DLG2: variants seen among roughly 807,000 people sequenced by gnomAD.
DLG2 encodes disks large homolog 2.
DLG2 carries 45 observed loss-of-function variants against 132.5 expected under a neutral mutation model. The ratio of observed to expected loss-of-function variants is 0.34; its 90% CI spans 0.27 to 0.44. The LOEUF (loss-of-function observed/expected upper bound fraction) is 0.44, where lower values mean the gene tolerates loss of function less well. Among genes scored for constraint, DLG2 ranks in the 20% least tolerant of loss-of-function variants. The pLI, the probability that DLG2 is intolerant of heterozygous loss-of-function variation, is 1.00. For missense variants in DLG2, 1,045 were observed against 1,196.9 expected (o/e 0.87, Z 1.87); for synonymous variants, 424 against 419.6 (o/e 1.01, Z -0.13).
rs533132508 is a variant in DLG2, at chr11:84,457,988, T to C, written c.519+76582A>G. On this transcript the variant is annotated intron_variant, in intron 7 of 27. Transcript: ENST00000376104. ...ACATACAACATAAAAATAAAATTCATCTGCAAGCCTGTTATCTACGTAAAT... is the reference window on the plus strand; with the variant it reads ...ACATACAACATAAAAATAAAATTCACCTGCAAGCCTGTTATCTACGTAAAT... Among the ~76,000 whole-genome samples, 327 of 150,982 alleles carry C rather than the reference T, an allele frequency of 2.2e-3. 1 individual carries two copies. Among genetic ancestry groups the C allele is most frequent in the African/African-American group, 7.1e-3 (296 of 41,418 alleles).
Position 84,534,606 on chromosome 11 carries a change from A to G in DLG2, c.483T>C (p.His161=), listed in dbSNP as rs1350344426. Residue 161 remains histidine (H), a synonymous_variant, in exon 7 of 28, where the codon CAT becomes CAC. Transcript: ENST00000376104. ...EKNLSQIENV[H]GYVLQSHISP... is the part of the protein sequence containing the mutation. ...AAATATGAGACTGCAAGACATATCCATGGACATTTTCTATTTGAGAGAGGT... is the reference window on the plus strand; with the variant it reads ...AAATATGAGACTGCAAGACATATCCGTGGACATTTTCTATTTGAGAGAGGT... 2.5e-6 allele frequency: 4 copies of G among 1,614,054 alleles called. No homozygotes were observed. Among genetic ancestry groups the G allele is most frequent in the East Asian group, 4.5e-5 (2 of 44,860 alleles).
At chr11:84,726,434 G>A (rs184328732) in intron 6 of DLG2, among the ~76,000 whole-genome samples, 35 of 152,234 alleles carry the variant, frequency 2.3e-4, no homozygotes, top group African/African-American at 8.2e-4. Flanking sequence ...TCCCTGCAAA[G>A]GACATAAAGT....
chr11:84,439,199 C>T (rs2099010124), intron 7 of DLG2, among the ~76,000 whole-genome samples: 1 of 152,166 alleles, frequency 6.6e-6, no homozygotes, highest in African/African-American at 2.4e-5. Context: ...CCTGACTTTG[C>T]TTCTAATTTA....
chr11:84,785,958 C>T (rs1380495145), intron 6 of DLG2, among the ~76,000 whole-genome samples: 1 of 151,806 alleles, frequency 6.6e-6, no homozygotes, highest in Non-Finnish European at 1.5e-5. Flanking sequence ...TCTTGAAAAT[C>T]ATTTTTTTTC....
chr11:84,643,872 C>A (rs1594724102), intron 6 of DLG2, among the ~76,000 whole-genome samples: 1 of 152,210 alleles, frequency 6.6e-6, no homozygotes, highest in Admixed American at 6.5e-5. Flanking sequence ...GTGTTAAAGC[C>A]CTACCATGTG....
chr11:84,442,548 G>A (rs965068656), intron 7 of DLG2, among the ~76,000 whole-genome samples: 6 of 152,026 alleles, frequency 3.9e-5, no homozygotes, highest in Non-Finnish European at 7.4e-5. Flanking sequence ...GAGGCTAGGG[G>A]AGGGATAGCA....
intron 21 of DLG2, among the ~76,000 whole-genome samples, chr11:83,489,210 T>C (rs2093700401): frequency 6.6e-6 from 1 of 151,882 alleles, no homozygotes; most frequent in Admixed American, 6.6e-5. Context: ...TGAATCAGAA[T>C]CTAACCAAAC....
In DLG2 at chr11:85,069,399, C is replaced by T. The variant is rs1462378271; in HGVS notation, c.357+42262G>A. On this transcript the variant is annotated intron_variant, in intron 6 of 27. Coordinates refer to ENST00000376104, the MANE Select transcript of DLG2 (RefSeq NM_001142699.3). ...AATGGGAGAAAATTTTTGCAAGCTA[C>T]GCATCTGACAAAGGGCTAATATCCA... is the stretch of plus-strand genomic sequence containing the variant. Among the ~76,000 whole-genome samples, 21 of 152,032 alleles carry T rather than the reference C, an allele frequency of 1.4e-4. No individual in the cohort carries two copies. In the South Asian group the frequency reaches 1.5e-3, roughly 11 times the overall value.
chr11:83,635,883 G>A (rs954760040), intron 18 of DLG2, among the ~76,000 whole-genome samples: 4 of 152,172 alleles, frequency 2.6e-5, no homozygotes, highest in African/African-American at 9.7e-5. Flanking sequence ...AGCACCAGAA[G>A]TGGGACTACT....
At chr11:83,475,538 C>A in intron 22 of DLG2, among the ~76,000 whole-genome samples, 1 of 133,436 alleles carries the variant, frequency 7.5e-6, no homozygotes. Context: ...TGTCTTGAAA[C>A]AGTGAGAGAA....
At chr11:84,454,399 T>C (rs1316993816) in intron 7 of DLG2, among the ~76,000 whole-genome samples, 1 of 151,508 alleles carries the variant, frequency 6.6e-6, no homozygotes, top group Non-Finnish European at 1.5e-5. Flanking sequence ...GCTTTGGGAA[T>C]GTTAAATACT....
In DLG2 at chr11:84,580,282, C is replaced by T. The variant is rs72943771; in HGVS notation, c.358-45551G>A. ...GATATGGAGAAAATGTATATTAAAA[C>T]AAATATAAATAATCTAAGGCCTGGC... On this transcript the variant is annotated intron_variant, in intron 6 of 27. Transcript: ENST00000376104. Among the ~76,000 whole-genome samples, 500 of 152,194 alleles carry T rather than the reference C, an allele frequency of 3.3e-3. 1 individual carries two copies. The highest frequency in any genetic ancestry group is 5.8e-3 in the Non-Finnish European group (397 of 68,000).
intron 12 of DLG2, among the ~76,000 whole-genome samples, chr11:83,971,586 A>G (rs974648011): frequency 6.6e-6 from 1 of 152,190 alleles, no homozygotes; most frequent in Admixed American, 6.5e-5. Flanking sequence ...TCTTGCAGGA[A>G]TATCAGTATG....
At chr11:85,133,393 G>T (rs1389860528) in intron 5 of DLG2, among the ~76,000 whole-genome samples, 1 of 152,056 alleles carries the variant, frequency 6.6e-6, no homozygotes, top group Middle Eastern at 3.2e-3. Flanking sequence ...TAAATGACTC[G>T]AAAGATATGA....
At chr11:83,768,672 GCAGCACAA>G (rs1191445308) in intron 18 of DLG2, among the ~76,000 whole-genome samples, 2 of 152,200 alleles carry the variant, frequency 1.3e-5, no homozygotes, top group African/African-American at 4.8e-5. Flanking sequence ...CCAGGGCTTG[GCAGCACAA>G]CGTGGCTCAG....
intron 21 of DLG2, among the ~76,000 whole-genome samples, chr11:83,520,640 TAG>T (rs1310120707): frequency 4.2e-5 from 2 of 47,978 alleles, no homozygotes; most frequent in African/African-American, 1.5e-4. Context: ...GGTAGGTAGG[TAG>T]ATAGATAGAT....
chr11:85,028,054 A>G (rs557719893), intron 6 of DLG2, among the ~76,000 whole-genome samples: 2 of 152,216 alleles, frequency 1.3e-5, no homozygotes, highest in Non-Finnish European at 2.9e-5. Context: ...ATCAAGAGGC[A>G]GAAGAGCCGA....
chr11:83,830,170 G>A (rs1330368174), intron 17 of DLG2, among the ~76,000 whole-genome samples: 1 of 152,298 alleles, frequency 6.6e-6, no homozygotes, highest in East Asian at 1.9e-4. Flanking sequence ...ATTTGCAAAT[G>A]TTATACATAA....
At chr11:83,743,188 T>C (rs1460436682) in intron 18 of DLG2, among the ~76,000 whole-genome samples, 4 of 152,162 alleles carry the variant, frequency 2.6e-5, no homozygotes, top group African/African-American at 9.7e-5. Flanking sequence ...AAGAGGTGGT[T>C]TTATTCATCT....
Sources: gnomAD v4.1 joint callset for allele counts (sites outside exome capture counted in the v4.1 genomes callset) on GRCh38, gnomAD v4.1.1 for gene constraint, MANE v1.5 for transcripts, NCBI Gene and HGNC (gene_info 2026-07-23, HGNC 2026-07-21) for gene names.